The following MAP3K13 variants were observed in gnomAD, a reference collection of about 807,000 sequenced individuals.
MAP3K13 encodes the protein leucine zipper-bearing kinase.
MAP3K13 carries 52 observed loss-of-function variants against 104.0 expected under a neutral mutation model. The ratio of observed to expected loss-of-function variants is 0.50; its 90% CI spans 0.40 to 0.63. MAP3K13 has a LOEUF of 0.63. Ranked by LOEUF, MAP3K13 falls within the 20% of genes least tolerant of loss-of-function variation. The pLI is 0.00. For synonymous variants in MAP3K13, 394 were observed against 442.2 expected (o/e 0.89, Z 1.37); for missense variants, 914 against 1,218.5 (o/e 0.75, Z 3.72).
chr3:185,284,608 T>G (rs1720441650), intron 1 of MAP3K13, among the ~76,000 whole-genome samples: 1 of 151,850 alleles, frequency 6.6e-6, no homozygotes, highest in Non-Finnish European at 1.5e-5. Flanking sequence ...CCCAGCTACT[T>G]GGGAGCTGAG....
chr3:185,473,408 G>A lies in MAP3K13; in HGVS notation c.2077G>A (p.Gly693Ser), dbSNP rs141622951. Residue 693 changes from glycine to serine, a missense_variant, in exon 11 of 14, where the codon GGC becomes AGC. Coordinates refer to ENST00000265026, the MANE Select transcript of MAP3K13 (RefSeq NM_004721.5). The surrounding 1 kb of genome is among the most constrained non-coding windows in gnomAD (Gnocchi z 4.9). ...CAACCATGCTCAGAGACAGCTGCCC[G>A]GCTCGAGCCCTGACCTCATCTCCAC... is the stretch of plus-strand genomic sequence containing the variant. ...LSNHAQRQLP[G>S]SSPDLISTAM... is the part of the protein sequence containing the mutation. 196 of 1,614,074 alleles carry A rather than the reference G, an allele frequency of 1.2e-4. No individual in the cohort carries two copies. Among genetic ancestry groups the A allele is most frequent in the Middle Eastern group, 1.6e-4 (1 of 6,084 alleles).
At chr3:185,370,545 G>A (rs561918799) in intron 1 of MAP3K13, among the ~76,000 whole-genome samples, 2 of 152,290 alleles carry the variant, frequency 1.3e-5, no homozygotes, top group Non-Finnish European at 2.9e-5. Context: ...TGCTGCGACA[G>A]CTGGGGAGGA....
intron 2 of MAP3K13, among the ~76,000 whole-genome samples, chr3:185,347,779 C>T (rs545969250): frequency 3.9e-4 from 59 of 152,120 alleles, no homozygotes; most frequent in South Asian, 8.3e-4. Flanking sequence ...GAAGTCGAGG[C>T]GGGTGGATCA....
chr3:185,343,097 G>A (rs1452012714), intron 2 of MAP3K13, among the ~76,000 whole-genome samples: 1 of 152,308 alleles, frequency 6.6e-6, no homozygotes, highest in South Asian at 2.1e-4. Flanking sequence ...CTTATAGCTA[G>A]CGAGGGAAGG....
At chr3:185,288,913 G>C (rs1464135702) in intron 2 of MAP3K13, among the ~76,000 whole-genome samples, 2 of 152,100 alleles carry the variant, frequency 1.3e-5, no homozygotes, top group Admixed American at 1.3e-4. Flanking sequence ...AATTGTTTAT[G>C]ATCAAGATTA....
At chr3:185,295,860 T>C (rs1485567567) in intron 2 of MAP3K13, among the ~76,000 whole-genome samples, 1 of 152,198 alleles carries the variant, frequency 6.6e-6, no homozygotes, top group African/African-American at 2.4e-5. Context: ...TCAGTAAATA[T>C]TTGTCAACTG....
chr3:185,443,550 G>T lies in MAP3K13; in HGVS notation c.765G>T (p.Leu255Phe), dbSNP rs1232861013. The change falls in exon 4 of 14, where the codon TTG becomes TTT. Residue 255 changes from leucine to phenylalanine, a missense_variant. Coordinates refer to ENST00000265026, the MANE Select transcript of MAP3K13 (RefSeq NM_004721.5). The stretch of plus-strand genomic sequence containing the variant: ...CTGGCAGGAAGATCACACCTCGATT[G>T]CTAGTAGACTGGTCCACAGGAATTG... ...LRAGRKITPR[L>F]LVDWSTGIAS... 6.2e-7 allele frequency: 1 copy of T among 1,614,064 alleles called. No homozygotes were observed. The highest frequency in any genetic ancestry group is 8.5e-7 in the Non-Finnish European group (1 of 1,179,948).
At chr3:185,338,321 C>T (rs1240819815) in intron 2 of MAP3K13, among the ~76,000 whole-genome samples, 1 of 133,968 alleles carries the variant, frequency 7.5e-6, no homozygotes, top group East Asian at 2.1e-4. Flanking sequence ...CAGAGTGAGA[C>T]TCTCTCAAAA....
intron 1 of MAP3K13, among the ~76,000 whole-genome samples, chr3:185,424,433 C>T (rs1417196220): frequency 6.6e-6 from 1 of 152,182 alleles, no homozygotes; most frequent in Non-Finnish European, 1.5e-5. Flanking sequence ...TGCTCTATTA[C>T]TTACTGAGTA....
chr3:185,469,871 T>C (rs1717676451), intron 10 of MAP3K13, among the ~76,000 whole-genome samples: 1 of 152,234 alleles, frequency 6.6e-6, no homozygotes, highest in Non-Finnish European at 1.5e-5. Flanking sequence ...GGAGAGACTT[T>C]TTGTCTGGAT....
chr3:185,469,808 G>T (rs1013205906), intron 10 of MAP3K13, among the ~76,000 whole-genome samples: 1 of 152,182 alleles, frequency 6.6e-6, no homozygotes, highest in African/African-American at 2.4e-5. Flanking sequence ...CGGGTGATTT[G>T]TATGTGCCTT....
intron 1 of MAP3K13, among the ~76,000 whole-genome samples, chr3:185,384,308 C>CTGTGTGTGTGTGTGTGTGTGTG (rs142627913): frequency 2.0e-4 from 30 of 147,574 alleles, no homozygotes; most frequent in African/African-American, 7.5e-4. Context: ...GTATTCCATT[C>CTGTGTGTGTGTGTGTGTGTGTG]TGTGTGTGTG....
rs1277340669 is a variant in MAP3K13 at position 185,451,270 on chromosome 3, G to C, written c.1170-17G>C. 1.3e-6 allele frequency: 2 copies of C among 1,569,316 alleles called. No individual in the cohort carries two copies. The highest frequency in any genetic ancestry group is 2.7e-5 in the African/African-American group (2 of 73,616). On this transcript the variant is annotated splice_polypyrimidine_tract_variant and intron_variant, in intron 6 of 13. Coordinates refer to ENST00000265026, the MANE Select transcript of MAP3K13 (RefSeq NM_004721.5). ...ATACAACTTCTGAAATGCACAAACT[G>C]TCTTTTTCACTTTTAGGCAGAGTAA...
chr3:185,329,033 T>C (rs1301130657), intron 2 of MAP3K13: 2 of 496,250 alleles, frequency 4.0e-6, no homozygotes, highest in Admixed American at 6.4e-5. Context: ...ATAATTTCCA[T>C]CAAAGATTAA....
At chr3:185,340,947 T>C (rs1225615686) in intron 2 of MAP3K13, among the ~76,000 whole-genome samples, 1 of 152,162 alleles carries the variant, frequency 6.6e-6, no homozygotes, top group Middle Eastern at 3.2e-3. Context: ...TATTTCTTCA[T>C]AGCAGTGTGA....
At chr3:185,442,544 T>A (rs1315930241) in intron 3 of MAP3K13, among the ~76,000 whole-genome samples, 1 of 151,586 alleles carries the variant, frequency 6.6e-6, no homozygotes, top group Non-Finnish European at 1.5e-5. Flanking sequence ...TTTCTTTTTT[T>A]TTTTTCTGAG....
intron 11 of MAP3K13, among the ~76,000 whole-genome samples, chr3:185,475,331 A>G (rs929214680): frequency 1.3e-5 from 2 of 152,252 alleles, no homozygotes; most frequent in Non-Finnish European, 2.9e-5. Flanking sequence ...AATGTTTACA[A>G]CATGGTAGAC....
intron 1 of MAP3K13, among the ~76,000 whole-genome samples, chr3:185,391,677 A>C (rs900108388): frequency 6.6e-6 from 1 of 152,208 alleles, no homozygotes; most frequent in African/African-American, 2.4e-5. Flanking sequence ...GCTGGAATCC[A>C]TCATATCTAC....
In MAP3K13 at chr3:185,483,078, T is replaced by C. The variant is rs1194210539; in HGVS notation, c.*622T>C. ...AGCTTGTCCAGGTGGCTTACGGAAATGACCTAGAAAAGTCTGGTGACCAGA... is the reference window on the plus strand; with the variant it reads ...AGCTTGTCCAGGTGGCTTACGGAAACGACCTAGAAAAGTCTGGTGACCAGA... On this transcript the variant is annotated 3_prime_UTR_variant, in exon 14 of 14. Transcript: ENST00000265026. 4.3e-6 allele frequency: 1 copy of C among 232,724 alleles called. No homozygotes were observed. Among genetic ancestry groups the C allele is most frequent in the Non-Finnish European group, 8.5e-6 (1 of 117,830 alleles). The allele number at this position is 232,724 out of a possible 1,614,324, so 14.4% of individuals were successfully genotyped here. A position where few individuals can be genotyped will look rare whatever the true frequency, so the allele number is the denominator to read the frequency against.
Sources: allele counts gnomAD v4.1 joint callset (sites outside exome capture counted in the v4.1 genomes callset), GRCh38; gene constraint gnomAD v4.1.1; non-coding constraint Gnocchi (gnomAD v3.1); transcripts MANE v1.5; gene names NCBI Gene and HGNC (gene_info 2026-07-23, HGNC 2026-07-21).